The following ESYT1 variants were observed in gnomAD, a reference collection of about 807,000 sequenced individuals.
ESYT1 encodes the protein extended synaptotagmin 1, also known as extended synaptotagmin-1.
Under a neutral mutation model 154.2 loss-of-function variants are expected in ESYT1, and 116 were observed. The ratio of observed to expected loss-of-function variants is 0.75; its 90% CI spans 0.65 to 0.88. ESYT1 has a LOEUF of 0.88. Ranked by LOEUF, ESYT1 falls within the 40% of genes least tolerant of loss-of-function variation. The pLI, the probability that ESYT1 is intolerant of heterozygous loss-of-function variation, is 0.00. For synonymous variants in ESYT1, 500 were observed against 539.9 expected (o/e 0.93, Z 1.02); for missense variants, 1,264 against 1,379.3 (o/e 0.92, Z 1.32).
chr12:56,132,382 T>C, intron 8 of ESYT1, 39 bp from the exon 9 acceptor site: 1 of 1,614,092 alleles, frequency 6.2e-7, no homozygotes, highest in Non-Finnish European at 8.5e-7. Flanking sequence ...AACCCCTTGC[T>C]GGGTCCTTAG....
In ESYT1 at chr12:56,138,480, A is replaced by G. The variant is rs1282909546; in HGVS notation, c.2414A>G (p.Glu805Gly). Residue 805 changes from glutamate (E) to glycine (G), a missense_variant, in exon 22 of 31, where the codon GAG (glutamate) becomes GGG (glycine). Coordinates refer to ENST00000394048, the MANE Select transcript of ESYT1 (RefSeq NM_015292.3). ...GCGGCCCTGCTATCCATCTATATGG[A>G]GCGGGCAGAGGACCTCCCGGTGAGA... is the stretch of plus-strand genomic sequence containing the variant. ...LAAALLSIYM[E>G]RAEDLPLRKG... 5.0e-6 allele frequency: 8 copies of G among 1,610,164 alleles called. No individual in the cohort carries two copies. The highest frequency in any genetic ancestry group is 1.3e-5 in the African/African-American group (1 of 74,886).
chr12:56,142,240 T>C lies in ESYT1; in HGVS notation c.2593-45T>C. On this transcript the variant is annotated intron_variant, in intron 24 of 30. Coordinates refer to ENST00000394048, the MANE Select transcript of ESYT1 (RefSeq NM_015292.3). The surrounding 1 kb of genome is among the most constrained non-coding windows in gnomAD (Gnocchi z 4.1). ...CTTTAAAACACCAGGATTAACTCAT[T>C]TGTTGATGCATTCGCCTCTTGATCA... 3 of 1,605,684 alleles carry C rather than the reference T, an allele frequency of 1.9e-6. No individual in the cohort carries two copies. Among genetic ancestry groups the C allele is most frequent in the Non-Finnish European group, 2.6e-6 (3 of 1,174,410 alleles).
At position 56,136,761 on chromosome 12, in the gene ESYT1, G is replaced by A. The variant is rs745706729; in HGVS notation, c.1650G>A (p.Arg550=). ...ELDVQVKDDS[R]ALTLGALTLP... ...GCCTGTAGGTGAAGGATGATTCCAG[G>A]GCCCTGACTTTAGGAGCACTGACGC... is the stretch of plus-strand genomic sequence containing the variant. The change falls in exon 16 of 31, where the codon AGG becomes AGA. Residue 550 remains arginine, a synonymous_variant. Transcript: ENST00000394048. The A allele has an allele frequency of 1.2e-6, 2 of 1,609,514 alleles. No individual in the cohort carries two copies. The highest frequency in any genetic ancestry group is 1.7e-6 in the Non-Finnish European group (2 of 1,177,132).
chr12:56,142,868 G>A lies in ESYT1; in HGVS notation c.2922G>A (p.Gln974=). The stretch of plus-strand genomic sequence containing the variant: ...AGGCTCCAGCCGGGCCTCTGGGCCA[G>A]GTGAAACTGACTCTGTGGTACTACA... The part of the protein sequence containing the change: ...PLEAPAGPLG[Q]VKLTLWYYSE... Residue 974 remains glutamine, a synonymous_variant, in exon 27 of 31, where the codon CAG becomes CAA. Transcript: ENST00000394048. The surrounding 1 kb of genome is among the most constrained non-coding windows in gnomAD (Gnocchi z 4.1). 1 of 1,614,220 alleles carries A rather than the reference G, an allele frequency of 6.2e-7. No individual in the cohort carries two copies. Among genetic ancestry groups the A allele is most frequent in the Non-Finnish European group, 8.5e-7 (1 of 1,180,044 alleles).
rs767570708 is a variant in ESYT1, at chr12:56,128,536, G to A, written c.217G>A (p.Ala73Thr). 2.1e-5 allele frequency: 34 copies of A among 1,613,166 alleles called. No homozygotes were observed. The highest frequency in any genetic ancestry group is 2.7e-5 in the Non-Finnish European group (32 of 1,179,666). ...GCTGATACCTGTGTATTTGGCCGGG[G>A]CAGTGGGACTCAGCGTGGGTTTCGT... ...LVLIPVYLAGAVGLSVGFVLF... is the reference protein window; with the variant it reads ...LVLIPVYLAGTVGLSVGFVLF... The change falls in exon 1 of 31, where the codon GCA becomes ACA. Residue 73 changes from alanine (A) to threonine (T), a missense_variant. By Grantham distance (58) the Ala-to-Thr change is moderately conservative. Coordinates refer to ENST00000394048, the MANE Select transcript of ESYT1 (RefSeq NM_015292.3).
At chr12:56,143,415 A>AC (rs1870796377) in intron 29 of ESYT1, 82 bp downstream of exon 29, 3 of 1,504,938 alleles carry the variant, frequency 2.0e-6, no homozygotes, top group East Asian at 2.3e-5. Context: ...GGAAGGAAGT[A>AC]CCCCACGTGA....
rs751596964 is a variant in ESYT1 at position 56,132,557 on chromosome 12, T to C, written c.1121T>C (p.Ile374Thr). The C allele has an allele frequency of 1.4e-5, 23 of 1,614,144 alleles. No individual in the cohort carries two copies. Among genetic ancestry groups the C allele is most frequent in the Admixed American group, 1.3e-4 (8 of 60,020 alleles). Residue 374 changes from isoleucine (I) to threonine (T), a missense_variant, in exon 9 of 31, where the codon ATT becomes ACT. Ile to Thr is a moderately conservative substitution (Grantham distance 89). Transcript: ENST00000394048. The stretch of plus-strand genomic sequence containing the variant: ...ACCCAGACATTCTGCAGTCGTGTCA[T>C]TGATGAAGAACTCAACCCACAGTGG... ...LGTQTFCSRV[I>T]DEELNPQWGE...
chr12:56,133,503 C>T (rs777592320), intron 11 of ESYT1, 38 bp downstream of exon 11: 2 of 1,614,020 alleles, frequency 1.2e-6, no homozygotes, highest in East Asian at 2.2e-5. Flanking sequence ...GCTGATCTCA[C>T]CCTTTGGGTA....
chr12:56,133,965 A>C, intron 13 of ESYT1, 92 bp downstream of exon 13: 2 of 1,535,334 alleles, frequency 1.3e-6, no homozygotes, highest in African/African-American at 1.4e-5. Flanking sequence ...GCTTTGCTCC[A>C]GAAGTATCAG....
At position 56,130,928 on chromosome 12, in the gene ESYT1, A is replaced by G. The variant is rs1471408127; in HGVS notation, c.567+3A>G. The stretch of plus-strand genomic sequence containing the variant: ...CACGAGTGGAACTGGGTGAAAAGGT[A>G]TGTGTGGAGGAGGGAAAGTGAGGAG... On this transcript the variant is annotated splice_donor_region_variant and intron_variant, in intron 3 of 30. Coordinates refer to ENST00000394048, the MANE Select transcript of ESYT1 (RefSeq NM_015292.3). 2 of 1,614,190 alleles carry G rather than the reference A, an allele frequency of 1.2e-6. No homozygotes were observed. The highest frequency in any genetic ancestry group is 2.2e-5 in the South Asian group (2 of 91,082).
rs777178827 is a variant in ESYT1, at chr12:56,129,137, C to CT, written c.390+433dup. On this transcript the variant is annotated intron_variant, in intron 1 of 30. Coordinates refer to ENST00000394048, the MANE Select transcript of ESYT1 (RefSeq NM_015292.3). ...CTAGTCTTTCCCATCCTCCTCGAGACTTTTTACCTACTTAAAGCCATACGG... is the reference window on the plus strand; with the variant it reads ...CTAGTCTTTCCCATCCTCCTCGAGACTTTTTTACCTACTTAAAGCCATACGG... 1.8e-3 allele frequency: 377 copies of CT among 213,512 alleles called. 1 individual carries two copies. The highest frequency in any genetic ancestry group is 2.9e-3 in the Non-Finnish European group (296 of 103,804). 13.2% of individuals were successfully genotyped at this position (213,512 alleles called of 1,614,324 possible).
Position 56,142,648 on chromosome 12 carries a change from G to C in ESYT1, c.2804G>C (p.Ser935Thr). 1 of 1,614,158 alleles carries C rather than the reference G, an allele frequency of 6.2e-7. No homozygotes were observed. The highest frequency in any genetic ancestry group is 8.5e-7 in the Non-Finnish European group (1 of 1,180,046). ...HSYSHSSSSL[S>T]EEPELSGGPP... Reference sequence around the variant, plus strand: ...TACAGCCACAGCTCCTCATCGCTGAGTGAAGAACCAGAGCTCTCGGGGGGA... The same window carrying C: ...TACAGCCACAGCTCCTCATCGCTGACTGAAGAACCAGAGCTCTCGGGGGGA... The change falls in exon 26 of 31, where the codon AGT becomes ACT. Residue 935 changes from serine (S) to threonine (T), a missense_variant. Transcript: ENST00000394048. The surrounding 1 kb of genome is among the most constrained non-coding windows in gnomAD (Gnocchi z 4.1).
intron 6 of ESYT1, 47 bp downstream of exon 6, chr12:56,131,613 G>C (rs372728553): frequency 6.2e-7 from 1 of 1,609,244 alleles, no homozygotes; most frequent in Non-Finnish European, 8.5e-7. Flanking sequence ...AGAAACAGAG[G>C]ACTGGGAGGA....
chr12:56,129,059 C>T (rs1870122087), intron 1 of ESYT1, among the ~76,000 whole-genome samples: 5 of 152,194 alleles, frequency 3.3e-5, no homozygotes, highest in Admixed American at 3.3e-4. Flanking sequence ...TGGTGCCACT[C>T]GCGGCTTTGC....
At position 56,144,600 on chromosome 12, in the gene ESYT1, T is replaced by G. The variant is rs1166542073; in HGVS notation, c.*738T>G. ...GGCTGCTAACTCACTGACTAGAACT[T>G]AATCTGGTACTTTACAGTTTTGCAC... On this transcript the variant is annotated 3_prime_UTR_variant, in exon 31 of 31. Transcript: ENST00000394048. The G allele has an allele frequency of 2.0e-6, 2 of 985,330 alleles. No homozygotes were observed. The highest frequency in any genetic ancestry group is 1.7e-5 in the African/African-American group (1 of 57,246). 61.0% of individuals were successfully genotyped at this position (985,330 alleles called of 1,614,324 possible).
chr12:56,137,016 G>T, intron 16 of ESYT1, 123 bp downstream of exon 16: 1 of 1,348,184 alleles, frequency 7.4e-7, no homozygotes, highest in Non-Finnish European at 1.0e-6. Context: ...TGCCAAGCAG[G>T]CACAAAAACA....
Position 56,139,031 on chromosome 12 carries a change from T to C in ESYT1, c.2592+18T>C. ...AGTTGCAGGTACTGTAAATTCATTCTTCAAATATTTAGCAGATTTCTGCCA... is the reference window on the plus strand; with the variant it reads ...AGTTGCAGGTACTGTAAATTCATTCCTCAAATATTTAGCAGATTTCTGCCA... On this transcript the variant is annotated intron_variant, in intron 24 of 30. Transcript: ENST00000394048. 3.1e-6 allele frequency: 5 copies of C among 1,596,970 alleles called. No homozygotes were observed. Among genetic ancestry groups the C allele is most frequent in the Non-Finnish European group, 4.3e-6 (5 of 1,164,476 alleles).
intron 15 of ESYT1, among the ~76,000 whole-genome samples, 154 bp from the exon 16 acceptor site, chr12:56,136,590 C>CA (rs944160332): frequency 0.052 from 2,993 of 57,684 alleles, 121 homozygotes; most frequent in African/African-American, 0.12. Context: ...GACTCTGTCT[C>CA]AAAAAAAAAA....
At position 56,131,107 on chromosome 12, in the gene ESYT1, A is replaced by AC. The variant is rs778832829; in HGVS notation, c.636dup (p.Ile213HisfsTer6). 6.2e-7 allele frequency: 1 copy of AC among 1,614,110 alleles called. No homozygotes were observed. The highest frequency in any genetic ancestry group is 1.1e-5 in the South Asian group (1 of 91,078). On this transcript the variant is annotated frameshift_variant, in exon 4 of 31. Coordinates refer to ENST00000394048, the MANE Select transcript of ESYT1 (RefSeq NM_015292.3). LOFTEE classifies it high-confidence loss of function. ...AAAGAGCAGATCCTGCTGGACTTGA[A>AC]CATCAGGTAATACCACTCACCACTC...
Sources: allele counts gnomAD v4.1 joint callset (sites outside exome capture counted in the v4.1 genomes callset), GRCh38; gene constraint gnomAD v4.1.1; non-coding constraint Gnocchi (gnomAD v3.1); transcripts MANE v1.5; gene names NCBI Gene and HGNC (gene_info 2026-07-23, HGNC 2026-07-21).